OR14J1: variants seen among roughly 807,000 people sequenced by gnomAD.
The protein encoded by OR14J1 is olfactory receptor 14J1.
For missense variants in OR14J1, 378 were observed against 393.4 expected, an observed-to-expected ratio of 0.96 and a Z score of 0.33; for synonymous variants, 140 against 146.7, an observed-to-expected ratio of 0.95 and a Z score of 0.33.
rs1414200098 is a variant in OR14J1 at position 29,303,690 on chromosome 6, CTAT to C, written c.-29+1904_-29+1906del. On this transcript the variant is annotated intron_variant, in intron 1 of 1. Coordinates refer to ENST00000641895, the MANE Select transcript of OR14J1 (RefSeq NM_030946.2). ...AAATGGATGAGTCTTAAGATTATCT[CTAT>C]CTATCTATCTATCTATCTATCTATC... 9.7e-5 allele frequency among the ~76,000 whole-genome samples: 8 copies of C among 82,098 alleles called. No individual in the cohort carries two copies. The East Asian group carries it at 1.1e-3, about 12-fold the overall frequency. The allele number at this position is 82,098 out of a possible 152,430, so 53.9% of individuals were successfully genotyped here.
chr6:29,303,949 C>T (rs563995999), intron 1 of OR14J1, among the ~76,000 whole-genome samples: 6 of 151,994 alleles, frequency 3.9e-5, no homozygotes, highest in Non-Finnish European at 5.9e-5. Flanking sequence ...GGCAAAGATG[C>T]CCTTTGCGAT....
Position 29,307,633 on chromosome 6 carries a change from T to C in OR14J1, c.944T>C (p.Leu315Ser). ...GAGCTTCCTCAGAGAAAAATGTGCT[T>C]AAAAGCCATGTTTAAACTCTGAAGA... ...KEELPQRKMC[L>S]KAMFKL Residue 315 changes from leucine to serine, a missense_variant, in exon 2 of 2, where the codon TTA (leucine) becomes TCA (serine). Leu to Ser is a moderately radical substitution (Grantham distance 145). Coordinates refer to ENST00000641895, the MANE Select transcript of OR14J1 (RefSeq NM_030946.2). 1 of 1,596,798 alleles carries C rather than the reference T, an allele frequency of 6.3e-7. No homozygotes were observed. Among genetic ancestry groups the C allele is most frequent in the Non-Finnish European group, 8.5e-7 (1 of 1,175,528 alleles).
rs1183727992 is a variant in OR14J1 at position 29,308,650 on chromosome 6, C to CTGCAGATT, written c.*997_*1004dup. On this transcript the variant is annotated 3_prime_UTR_variant, in exon 2 of 2. Transcript: ENST00000641895. ...ATATCTGATTCAATTTTGTGTAATG[C>CTGCAGATT]TGCAGATTTCTTCAAGAAAGACTCA... The CTGCAGATT allele has an allele frequency of 3.3e-5, 5 of 152,146 alleles. No homozygotes were observed. The highest frequency in any genetic ancestry group is 1.2e-4 in the African/African-American group (5 of 41,434). The allele number at this position is 152,146 out of a possible 1,614,324, so 9.4% of individuals were successfully genotyped here.
intron 1 of OR14J1, among the ~76,000 whole-genome samples, chr6:29,305,191 G>GA (rs927981585): frequency 2.3e-4 from 35 of 149,732 alleles, no homozygotes; most frequent in Admixed American, 6.7e-4. Flanking sequence ...GTTCCTTGTG[G>GA]AAAAAAAAAA....
At position 29,308,635 on chromosome 6, in the gene OR14J1, C is replaced by G. The variant is rs951264926; in HGVS notation, c.*980C>G. ...ATCTTGTGAATCTGAATATCTGATT[C>G]AATTTTGTGTAATGCTGCAGATTTC... On this transcript the variant is annotated 3_prime_UTR_variant, in exon 2 of 2. Coordinates refer to ENST00000641895, the MANE Select transcript of OR14J1 (RefSeq NM_030946.2). 9.9e-5 allele frequency: 15 copies of G among 152,120 alleles called. No homozygotes were observed. The highest frequency in any genetic ancestry group is 1.6e-4 in the Non-Finnish European group (11 of 68,026). 9.4% of individuals were successfully genotyped at this position (152,120 alleles called of 1,614,324 possible). A position where few individuals can be genotyped will look rare whatever the true frequency, so the allele number is the denominator to read the frequency against.
chr6:29,303,050 A>G (rs35657850), intron 1 of OR14J1, among the ~76,000 whole-genome samples: 16,146 of 152,210 alleles, frequency 0.11, 974 homozygotes, highest in South Asian at 0.14. Context: ...CCATTCAGGG[A>G]CAGTGATGTG....
rs762105518 is a variant in OR14J1, at chr6:29,310,880, G to C, written c.*3225G>C. 3 of 152,204 alleles carry C rather than the reference G, an allele frequency of 2.0e-5. No individual in the cohort carries two copies. Among genetic ancestry groups the C allele is most frequent in the Non-Finnish European group, 2.9e-5 (2 of 68,018 alleles). The allele number at this position is 152,204 out of a possible 1,614,324, so 9.4% of individuals were successfully genotyped here. ...TATTCTCTTTGTAGCAGTTATGAAT[G>C]GGAGTTCACTCATGATTTGGCTCTC... is the stretch of plus-strand genomic sequence containing the variant. On this transcript the variant is annotated 3_prime_UTR_variant, in exon 2 of 2. Coordinates refer to ENST00000641895, the MANE Select transcript of OR14J1 (RefSeq NM_030946.2).
rs1184266415 is a variant in OR14J1 at position 29,306,732 on chromosome 6, T to A, written c.43T>A (p.Phe15Ile). 1 of 1,612,964 alleles carries A rather than the reference T, an allele frequency of 6.2e-7. No individual in the cohort carries two copies. ...TSMSGFLLMG[F>I]SDERKLQILH... ...AATGAGTGGATTCCTTCTTATGGGGTTTTCTGATGAGCGTAAGCTTCAGAT... is the reference window on the plus strand; with the variant it reads ...AATGAGTGGATTCCTTCTTATGGGGATTTCTGATGAGCGTAAGCTTCAGAT... Residue 15 changes from phenylalanine to isoleucine, a missense_variant, in exon 2 of 2, where the codon TTT becomes ATT. Physicochemically the swap from Phe to Ile is conservative, Grantham distance 21. Transcript: ENST00000641895.
In OR14J1 at chr6:29,308,792, G is replaced by A. The variant is rs1162841502; in HGVS notation, c.*1137G>A. ...TCAGTAATGGGGAATGTTTTTATAG[G>A]ACTTTTTTGAATTAATGGTTATAAT... On this transcript the variant is annotated 3_prime_UTR_variant, in exon 2 of 2. Coordinates refer to ENST00000641895, the MANE Select transcript of OR14J1 (RefSeq NM_030946.2). 6.6e-6 allele frequency: 1 copy of A among 152,076 alleles called. No individual in the cohort carries two copies. Among genetic ancestry groups the A allele is most frequent in the East Asian group, 1.9e-4 (1 of 5,174 alleles). 9.4% of individuals were successfully genotyped at this position (152,076 alleles called of 1,614,324 possible).
chr6:29,303,723 T>TATC (rs767577803), intron 1 of OR14J1, among the ~76,000 whole-genome samples: 207 of 149,952 alleles, frequency 1.4e-3, no homozygotes, highest in East Asian at 4.5e-3. Context: ...TCTATCTATC[T>TATC]ATCTATCTAT....
chr6:29,309,527 C>T lies in OR14J1; in HGVS notation c.*1872C>T, dbSNP rs373906832. Reference sequence around the variant, plus strand: ...GTGTAAAAGTGTTCCTGTTTCTCCACGTCCTCTCTAGCATCTGTTGTTTCC... The same window carrying T: ...GTGTAAAAGTGTTCCTGTTTCTCCATGTCCTCTCTAGCATCTGTTGTTTCC... On this transcript the variant is annotated 3_prime_UTR_variant, in exon 2 of 2. Transcript: ENST00000641895. The T allele has an allele frequency of 1.2e-4, 18 of 152,186 alleles. No individual in the cohort carries two copies. The highest frequency in any genetic ancestry group is 3.6e-4 in the African/African-American group (15 of 41,446). 9.4% of individuals were successfully genotyped at this position (152,186 alleles called of 1,614,324 possible). A position where few individuals can be genotyped will look rare whatever the true frequency, so the allele number is the denominator to read the frequency against.
Position 29,306,989 on chromosome 6 carries a change from C to G in OR14J1, c.300C>G (p.Phe100Leu), listed in dbSNP as rs758974946. ...ISLVQCILQVFFFIALASSEV... is the reference protein window; with the variant it reads ...ISLVQCILQVLFFIALASSEV... ...TTGTTCAGTGCATTCTTCAGGTTTTCTTCTTCATAGCTCTGGCCTCATCAG... is the reference window on the plus strand; with the variant it reads ...TTGTTCAGTGCATTCTTCAGGTTTTGTTCTTCATAGCTCTGGCCTCATCAG... The change falls in exon 2 of 2, where the codon TTC becomes TTG. Residue 100 changes from phenylalanine to leucine, a missense_variant. Transcript: ENST00000641895. The G allele has an allele frequency of 6.2e-7, 1 of 1,613,094 alleles. No individual in the cohort carries two copies. Among genetic ancestry groups the G allele is most frequent in the South Asian group, 1.1e-5 (1 of 91,080 alleles).
chr6:29,302,179 CTTTTTTT>C (rs1157949122), intron 1 of OR14J1, among the ~76,000 whole-genome samples: 1 of 102,064 alleles, frequency 9.8e-6, no homozygotes, highest in East Asian at 2.7e-4. Flanking sequence ...TTTTTTTTTT[CTTTTTTT>C]TTTTTTTTTT....
At chr6:29,306,134 A>C (rs1775067301) in intron 1 of OR14J1, among the ~76,000 whole-genome samples, 1 of 152,190 alleles carries the variant, frequency 6.6e-6, no homozygotes, top group South Asian at 2.1e-4. Flanking sequence ...AATCAAATGT[A>C]ATCTTTTTAA....
Position 29,307,186 on chromosome 6 carries a change from T to C in OR14J1, c.497T>C (p.Leu166Pro). Residue 166 changes from leucine to proline, a missense_variant, in exon 2 of 2, where the codon CTC becomes CCC. Leu to Pro is a moderately conservative substitution (Grantham distance 98). Coordinates refer to ENST00000641895, the MANE Select transcript of OR14J1 (RefSeq NM_030946.2). ...MHAAINFSIPLCGKRVIHQFF... is the reference protein window; with the variant it reads ...MHAAINFSIPPCGKRVIHQFF... ...GCTGCCATTAACTTCTCCATACCTC[T>C]CTGTGGGAAGAGAGTCATTCACCAA... 1 of 1,613,058 alleles carries C rather than the reference T, an allele frequency of 6.2e-7. No homozygotes were observed. Among genetic ancestry groups the C allele is most frequent in the Admixed American group, 1.7e-5 (1 of 60,018 alleles).
intron 1 of OR14J1, among the ~76,000 whole-genome samples, chr6:29,306,038 G>T (rs1028372425): frequency 4.6e-5 from 7 of 152,124 alleles, no homozygotes; most frequent in Non-Finnish European, 1.0e-4. Flanking sequence ...CCAAAGCTCA[G>T]GATTCAATGC....
chr6:29,303,766 CAG>C (rs1348160981), intron 1 of OR14J1, among the ~76,000 whole-genome samples: 1 of 151,936 alleles, frequency 6.6e-6, no homozygotes. Context: ...CATCTATCAA[CAG>C]AGCATAGTGA....
At chr6:29,304,499 A>G (rs1468280579) in intron 1 of OR14J1, among the ~76,000 whole-genome samples, 4 of 152,184 alleles carry the variant, frequency 2.6e-5, no homozygotes, top group Non-Finnish European at 4.4e-5. Flanking sequence ...ACTTGGAAGG[A>G]TTGAACACAG....
chr6:29,303,702 C>CTATA (rs1167243914), intron 1 of OR14J1, among the ~76,000 whole-genome samples: 2 of 150,216 alleles, frequency 1.3e-5, no homozygotes, highest in Admixed American at 1.3e-4. Flanking sequence ...ATCTATCTAT[C>CTATA]TATCTATCTA....
Sources: gnomAD v4.1 joint callset for allele counts (sites outside exome capture counted in the v4.1 genomes callset) on GRCh38, gnomAD v4.1.1 for gene constraint, MANE v1.5 for transcripts, NCBI Gene and HGNC (gene_info 2026-07-23, HGNC 2026-07-21) for gene names.